The following MBNL1 variants were observed in gnomAD, a reference collection of about 807,000 sequenced individuals.
MBNL1 encodes the protein muscleblind like splicing regulator 1.
MBNL1 carries 8 observed loss-of-function variants against 42.2 expected under a neutral mutation model. That is an observed-to-expected ratio of 0.19 (90% CI 0.11 to 0.34). The LOEUF is 0.34. MBNL1 is among the 10% of genes least tolerant of loss of function. MBNL1 has a pLI of 1.00. For synonymous variants in MBNL1, 169 were observed against 173.9 expected (o/e 0.97, Z 0.22); for missense variants, 309 against 495.3 (o/e 0.62, Z 3.57).
chr3:152,379,650 A>G (rs1220717712), intron 2 of MBNL1, among the ~76,000 whole-genome samples: 2 of 152,144 alleles, frequency 1.3e-5, no homozygotes, highest in Non-Finnish European at 2.9e-5. Context: ...CAGAATCTCA[A>G]AAATTTTCTA....
At chr3:152,428,656 A>G (rs543708632) in intron 3 of MBNL1, among the ~76,000 whole-genome samples, 1 of 152,346 alleles carries the variant, frequency 6.6e-6, no homozygotes, top group East Asian at 1.9e-4. Flanking sequence ...AGAAAACCAC[A>G]TAGTGTGTGG....
At position 152,306,718 on chromosome 3, in the gene MBNL1, G is replaced by A. The variant is rs545618493; in HGVS notation, c.174+6351G>A. 3.3e-4 allele frequency among the ~76,000 whole-genome samples: 51 copies of A among 152,244 alleles called. 1 individual carries two copies. The highest frequency in any genetic ancestry group is 1.2e-3 in the African/African-American group (50 of 41,542). On this transcript the variant is annotated intron_variant, in intron 2 of 9. Coordinates refer to ENST00000324210, the MANE Select transcript of MBNL1 (RefSeq NM_021038.5). Reference sequence around the variant, plus strand: ...AGGGGAGAATGGAAATGGATGTTCAGGAGGGCCATTTCTGGAATAAAAGAG... The same window carrying A: ...AGGGGAGAATGGAAATGGATGTTCAAGAGGGCCATTTCTGGAATAAAAGAG...
intron 2 of MBNL1, chr3:152,335,350 A>G (rs1244852663): frequency 3.2e-6 from 3 of 951,974 alleles, no homozygotes; most frequent in Admixed American, 2.3e-5. Flanking sequence ...TACATTAGAA[A>G]CTGTTTTAGA....
intron 1 of MBNL1, among the ~76,000 whole-genome samples, chr3:152,295,851 G>A (rs1245709477): frequency 6.6e-6 from 1 of 152,216 alleles, no homozygotes; most frequent in African/African-American, 2.4e-5. Flanking sequence ...AGAACCCTCA[G>A]CAACTCCTCT....
At chr3:152,429,875 T>C (rs751444681) in intron 3 of MBNL1, among the ~76,000 whole-genome samples, 2 of 152,190 alleles carry the variant, frequency 1.3e-5, no homozygotes, top group Non-Finnish European at 2.9e-5. Flanking sequence ...TTACTGATTG[T>C]CTGCCTGTTC....
intron 2 of MBNL1, among the ~76,000 whole-genome samples, chr3:152,255,950 G>C (rs867904411): frequency 6.6e-6 from 1 of 152,164 alleles, no homozygotes; most frequent in Non-Finnish European, 1.5e-5. Context: ...GGTCTCAAAG[G>C]ATGGTGGGAG....
chr3:152,281,642 G>A (rs1251399854), intron 1 of MBNL1, among the ~76,000 whole-genome samples: 3 of 152,110 alleles, frequency 2.0e-5, no homozygotes, highest in Admixed American at 2.0e-4. Flanking sequence ...TGAAGTTTCT[G>A]ATGTCGCTTC....
At chr3:152,326,575 CA>C (rs1312862659) in intron 2 of MBNL1, among the ~76,000 whole-genome samples, 1 of 151,882 alleles carries the variant, frequency 6.6e-6, no homozygotes, top group Non-Finnish European at 1.5e-5. Context: ...CGTTTATTAT[CA>C]AGAATTTTTT....
In MBNL1 at chr3:152,369,757, G is replaced by T. The variant is rs186828215; in HGVS notation, c.175-45184G>T. ...GTCTTGGGAGGGTGTATGTGTCCAG[G>T]TATTTATCCATTTCTTCTAGATTTT... On this transcript the variant is annotated intron_variant, in intron 2 of 9. Transcript: ENST00000324210. 1.1e-4 allele frequency among the ~76,000 whole-genome samples: 16 copies of T among 152,194 alleles called. No individual in the cohort carries two copies. The East Asian group carries it at 2.9e-3, about 28-fold the overall frequency.
chr3:152,300,844 A>T, intron 2 of MBNL1: 1 of 547,550 alleles, frequency 1.8e-6, no homozygotes, highest in Non-Finnish European at 2.3e-6. Context: ...TTGACATTTT[A>T]GATTTTCTTT....
chr3:152,429,157 A>G (rs542943034), intron 3 of MBNL1, among the ~76,000 whole-genome samples: 1 of 152,352 alleles, frequency 6.6e-6, no homozygotes, highest in Non-Finnish European at 1.5e-5. Context: ...TAAATACAAT[A>G]AATAGCACCG....
intron 2 of MBNL1, among the ~76,000 whole-genome samples, chr3:152,382,856 A>G (rs1222296260): frequency 6.6e-6 from 1 of 152,086 alleles, no homozygotes; most frequent in Non-Finnish European, 1.5e-5. Context: ...TTCTGGTTCT[A>G]TAATGCTACT....
chr3:152,454,650 A>T (rs1262471307), intron 6 of MBNL1, among the ~76,000 whole-genome samples: 2 of 152,188 alleles, frequency 1.3e-5, no homozygotes, highest in African/African-American at 4.8e-5. Context: ...CATCAGTGCT[A>T]ACACCCCATA....
intron 1 of MBNL1, among the ~76,000 whole-genome samples, chr3:152,272,430 T>C (rs2042434742): frequency 6.6e-6 from 1 of 152,174 alleles, no homozygotes. Flanking sequence ...AGGAACATTT[T>C]AGAGACACTG....
Position 152,304,238 on chromosome 3 carries a change from A to G in MBNL1, c.174+3871A>G, listed in dbSNP as rs894195855. Among the ~76,000 whole-genome samples the G allele has an allele frequency of 3.8e-4, 58 of 152,220 alleles. 1 individual carries two copies. Among genetic ancestry groups the G allele is most frequent in the Middle Eastern group, 3.2e-3 (1 of 316 alleles). On this transcript the variant is annotated intron_variant, in intron 2 of 9. Transcript: ENST00000324210. ...GATGGTCACATATGGATTGGATGGC[A>G]TAACTAGACATGATAAAGTAGTCCC...
rs952305101 is a variant in MBNL1 at position 152,463,985 on chromosome 3, A to G, written c.*1619A>G. 1 of 152,600 alleles carries G rather than the reference A, an allele frequency of 6.6e-6. No homozygotes were observed. The highest frequency in any genetic ancestry group is 1.5e-5 in the Non-Finnish European group (1 of 67,990). The allele number at this position is 152,600 out of a possible 1,614,324, so 9.5% of individuals were successfully genotyped here. A position where few individuals can be genotyped will look rare whatever the true frequency, so the allele number is the denominator to read the frequency against. On this transcript the variant is annotated 3_prime_UTR_variant, in exon 10 of 10. Coordinates refer to ENST00000324210, the MANE Select transcript of MBNL1 (RefSeq NM_021038.5). Reference sequence around the variant, plus strand: ...ATTTTACTGATTGTACTGTACATCTATTAAAGCCTTAGATTATTACATTAC... The same window carrying G: ...ATTTTACTGATTGTACTGTACATCTGTTAAAGCCTTAGATTATTACATTAC...
At chr3:152,326,709 T>C (rs1387599306) in intron 2 of MBNL1, among the ~76,000 whole-genome samples, 1 of 151,998 alleles carries the variant, frequency 6.6e-6, no homozygotes, top group Admixed American at 6.6e-5. Flanking sequence ...TAACATAAGA[T>C]CTAAATAAGC....
At chr3:152,409,264 C>A (rs2153608431) in intron 2 of MBNL1, among the ~76,000 whole-genome samples, 1 of 152,066 alleles carries the variant, frequency 6.6e-6, no homozygotes, top group South Asian at 2.1e-4. Flanking sequence ...ACACTAGATA[C>A]TTGTAATTTT....
intron 2 of MBNL1, among the ~76,000 whole-genome samples, chr3:152,321,317 A>C (rs950676512): frequency 2.6e-5 from 4 of 152,250 alleles, no homozygotes; most frequent in African/African-American, 7.2e-5. Context: ...CCACTTGAGC[A>C]TTGTGATATG....
Sources: allele counts gnomAD v4.1 joint callset (sites outside exome capture counted in the v4.1 genomes callset), GRCh38; gene constraint gnomAD v4.1.1; transcripts MANE v1.5; gene names NCBI Gene and HGNC (gene_info 2026-07-23, HGNC 2026-07-21).